The following EXOC6 variants were observed in gnomAD, a reference collection of about 807,000 sequenced individuals.
EXOC6 encodes the protein SEC15-like 1.
A neutral mutation model predicts 112.5 loss-of-function variants in EXOC6; 60 were observed. That is an observed-to-expected ratio of 0.53 (90% CI 0.43 to 0.66). EXOC6 has a LOEUF of 0.66. Ranked by LOEUF, EXOC6 falls within the 30% of genes least tolerant of loss-of-function variation. The pLI is 0.00. For synonymous variants in EXOC6, 295 were observed against 308.0 expected (o/e 0.96, Z 0.44); for missense variants, 855 against 957.1 (o/e 0.89, Z 1.41).
At chr10:92,926,937 T>C (rs1323250736) in intron 8 of EXOC6, among the ~76,000 whole-genome samples, 3 of 152,212 alleles carry the variant, frequency 2.0e-5, no homozygotes, top group African/African-American at 7.2e-5. Flanking sequence ...CCTCTACATT[T>C]ATTTAAAATT....
chr10:92,878,606 T>C (rs1848792024), intron 1 of EXOC6, among the ~76,000 whole-genome samples: 1 of 152,138 alleles, frequency 6.6e-6, no homozygotes, highest in Non-Finnish European at 1.5e-5. Flanking sequence ...TTGTCTCTTA[T>C]CACACATGCA....
intron 1 of EXOC6, among the ~76,000 whole-genome samples, chr10:92,882,199 T>G (rs1259568027): frequency 6.6e-6 from 1 of 152,182 alleles, no homozygotes; most frequent in East Asian, 1.9e-4. Context: ...TAGAAATATT[T>G]TATTCCAAGA....
At chr10:92,919,561 C>A (rs1851312477) in intron 7 of EXOC6, among the ~76,000 whole-genome samples, 1 of 152,026 alleles carries the variant, frequency 6.6e-6, no homozygotes, top group Non-Finnish European at 1.5e-5. Flanking sequence ...GTCTTTAATT[C>A]AGTGCAATAA....
At position 92,893,383 on chromosome 10, in the gene EXOC6, A is replaced by G. The variant is rs752514599; in HGVS notation, c.136A>G (p.Lys46Glu). Residue 46 changes from lysine to glutamate, a missense_variant, in exon 2 of 22, where the codon AAG (lysine) becomes GAG (glutamate). By Grantham distance (56) the Lys-to-Glu change is moderately conservative. Transcript: ENST00000260762. ...VYDDQPNAHK[K>E]FMEKLDACIR... ...TGATGACCAACCAAATGCGCACAAG[A>G]AGTTTATGGAAAAGTTAGATGCTTG... 1.9e-6 allele frequency: 3 copies of G among 1,612,266 alleles called. No individual in the cohort carries two copies. Among genetic ancestry groups the G allele is most frequent in the Non-Finnish European group, 2.5e-6 (3 of 1,179,182 alleles).
At chr10:92,873,833 T>C (rs920541514) in intron 1 of EXOC6, among the ~76,000 whole-genome samples, 1 of 151,934 alleles carries the variant, frequency 6.6e-6, no homozygotes, top group South Asian at 2.1e-4. Flanking sequence ...GGCAGATCAC[T>C]TGAGGTCAGG....
At chr10:92,902,614 T>C (rs2133849362) in intron 5 of EXOC6, among the ~76,000 whole-genome samples, 1 of 152,232 alleles carries the variant, frequency 6.6e-6, no homozygotes, top group African/African-American at 2.4e-5. Flanking sequence ...TATGTTATAC[T>C]AAAATAAACA....
At chr10:92,911,046 A>G (rs1407402802) in intron 6 of EXOC6, among the ~76,000 whole-genome samples, 4 of 77,938 alleles carry the variant, frequency 5.1e-5, no homozygotes, top group South Asian at 5.3e-4. Flanking sequence ...TAATCTGTTT[A>G]TTTTGAAATT....
intron 13 of EXOC6, among the ~76,000 whole-genome samples, chr10:92,943,220 G>A (rs373278033): frequency 3.3e-5 from 5 of 151,862 alleles, no homozygotes; most frequent in East Asian, 1.9e-4. Flanking sequence ...GTGTTTCGCC[G>A]TGTTAGCCAG....
chr10:92,903,808 T>C (rs953537592), intron 5 of EXOC6, among the ~76,000 whole-genome samples: 26 of 152,040 alleles, frequency 1.7e-4, no homozygotes, highest in African/African-American at 6.3e-4. Flanking sequence ...GACACATAAG[T>C]ATTTACCAGA....
intron 14 of EXOC6, among the ~76,000 whole-genome samples, chr10:92,950,883 T>C (rs1275117875): frequency 6.6e-6 from 1 of 152,178 alleles, no homozygotes; most frequent in East Asian, 1.9e-4. Context: ...TTTTTGCATT[T>C]ATCTTGATGA....
chr10:92,985,965 T>C (rs1842986318), intron 18 of EXOC6, among the ~76,000 whole-genome samples: 1 of 151,794 alleles, frequency 6.6e-6, no homozygotes, highest in Admixed American at 6.6e-5. Context: ...AATGAAAATA[T>C]AACCATATAT....
At chr10:92,974,598 G>C (rs868411446) in intron 18 of EXOC6, among the ~76,000 whole-genome samples, 1 of 14,110 alleles carries the variant, frequency 7.1e-5, no homozygotes, top group African/African-American at 1.3e-3. Flanking sequence ...CTCTTTCCAC[G>C]TCTCCCTCTG....
In EXOC6 at chr10:92,975,452, G is replaced by A. The variant is rs1204814217; in HGVS notation, c.1953+1220G>A. On this transcript the variant is annotated intron_variant, in intron 18 of 21. Coordinates refer to ENST00000260762, the MANE Select transcript of EXOC6 (RefSeq NM_019053.6). Reference sequence around the variant, plus strand: ...AAGTGAGGAGCGTCTCCGCCCGGCAGCCGCCCCGTCCGGGAGGGAGGTGGG... The same window carrying A: ...AAGTGAGGAGCGTCTCCGCCCGGCAACCGCCCCGTCCGGGAGGGAGGTGGG... Among the ~76,000 whole-genome samples, 512 of 150,052 alleles carry A rather than the reference G, an allele frequency of 3.4e-3. 2 individuals are homozygous for A. Among genetic ancestry groups the A allele is most frequent in the African/African-American group, 0.012 (494 of 40,118 alleles).
intron 12 of EXOC6, among the ~76,000 whole-genome samples, chr10:92,939,525 C>A (rs748311767): frequency 3.3e-5 from 5 of 151,854 alleles, no homozygotes; most frequent in African/African-American, 1.2e-4. Flanking sequence ...AAGAGGAATA[C>A]TTGATTTCAT....
At chr10:92,994,237 G>A (rs1228566513) in intron 18 of EXOC6, among the ~76,000 whole-genome samples, 1 of 152,222 alleles carries the variant, frequency 6.6e-6, no homozygotes, top group African/African-American at 2.4e-5. Flanking sequence ...GCAGCACTGT[G>A]AAGGTGCCAT....
Position 93,014,244 on chromosome 10 carries a change from C to T in EXOC6, c.2146C>T (p.Leu716=). The change falls in exon 20 of 22, where the codon CTA becomes TTA. Residue 716 remains leucine (L), a synonymous_variant. Transcript: ENST00000260762. ...VPGFQGDTLQ[L]AFIDLRQLLD... ...AGGATTCCAGGGGGATACCCTGCAGCTAGCATTCATTGACCTCAGACAAGT... is the reference window on the plus strand; with the variant it reads ...AGGATTCCAGGGGGATACCCTGCAGTTAGCATTCATTGACCTCAGACAAGT... 6.2e-7 allele frequency: 1 copy of T among 1,613,382 alleles called. No homozygotes were observed. The highest frequency in any genetic ancestry group is 1.1e-5 in the South Asian group (1 of 91,046).
At position 92,883,778 on chromosome 10, in the gene EXOC6, G is replaced by A. The variant is rs552801478; in HGVS notation, c.102-9571G>A. Among the ~76,000 whole-genome samples the A allele has an allele frequency of 5.3e-5, 8 of 152,280 alleles. No individual in the cohort carries two copies. The South Asian group carries it at 1.2e-3, about 24-fold the overall frequency. ...CATTTGAAAAACTGGCAGAAAATAGGTTAGTGTTTGAAAAGGTATAAAATG... is the reference window on the plus strand; with the variant it reads ...CATTTGAAAAACTGGCAGAAAATAGATTAGTGTTTGAAAAGGTATAAAATG... On this transcript the variant is annotated intron_variant, in intron 1 of 21. Transcript: ENST00000260762.
chr10:93,020,637 A>G (rs534244609), intron 20 of EXOC6, among the ~76,000 whole-genome samples: 1 of 152,240 alleles, frequency 6.6e-6, no homozygotes, highest in African/African-American at 2.4e-5. Flanking sequence ...GGACTGGCCT[A>G]TTCCCCAAAA....
intron 1 of EXOC6, among the ~76,000 whole-genome samples, chr10:92,827,648 G>T (rs12764737): frequency 1.2e-3 from 182 of 152,170 alleles, no homozygotes; most frequent in African/African-American, 4.2e-3. Flanking sequence ...TTGTGGCAAA[G>T]AAAAAGCTGC....
Sources: allele counts gnomAD v4.1 joint callset (sites outside exome capture counted in the v4.1 genomes callset), GRCh38; gene constraint gnomAD v4.1.1; transcripts MANE v1.5; gene names NCBI Gene and HGNC (gene_info 2026-07-23, HGNC 2026-07-21).